The following RTTN variants were observed in gnomAD, a reference collection of about 807,000 sequenced individuals.
The protein encoded by RTTN is rotatin.
RTTN carries 182 observed loss-of-function variants against 269.2 expected under a neutral mutation model. The ratio of observed to expected loss-of-function variants is 0.68; its 90% CI spans 0.60 to 0.76. The LOEUF is 0.76. RTTN is among the 30% of genes least tolerant of loss of function. The pLI is 0.00. For missense variants in RTTN, 2,545 were observed against 2,608.6 expected (o/e 0.98, Z 0.53); for synonymous variants, 1,006 against 963.5 (o/e 1.04, Z -0.82).
At chr18:70,033,172 A>G (rs1004038276) in intron 40 of RTTN, among the ~76,000 whole-genome samples, 8 of 152,050 alleles carry the variant, frequency 5.3e-5, no homozygotes, top group Non-Finnish European at 1.2e-4. Context: ...TCCTGCTCCC[A>G]CCATGTGAGA....
At chr18:70,055,374 G>A (rs1009525521) in intron 37 of RTTN, among the ~76,000 whole-genome samples, 3 of 152,042 alleles carry the variant, frequency 2.0e-5, no homozygotes, top group African/African-American at 7.2e-5. Flanking sequence ...TTGTAAGAGT[G>A]TAATGAAGAG....
chr18:70,089,853 T>C (rs1055988541), intron 30 of RTTN, among the ~76,000 whole-genome samples: 1 of 152,138 alleles, frequency 6.6e-6, no homozygotes, highest in Admixed American at 6.6e-5. Flanking sequence ...TTCCTCCTGA[T>C]TGCTTATAGC....
intron 26 of RTTN, among the ~76,000 whole-genome samples, chr18:70,117,232 T>C (rs2059624559): frequency 6.6e-6 from 1 of 152,098 alleles, no homozygotes; most frequent in Non-Finnish European, 1.5e-5. Context: ...TCTTTTCATG[T>C]ATGTCCATAC....
intron 26 of RTTN, among the ~76,000 whole-genome samples, chr18:70,115,378 C>T (rs1157210015): frequency 1.3e-5 from 2 of 151,046 alleles, no homozygotes; most frequent in Non-Finnish European, 3.0e-5. Context: ...TTCCTCTTTT[C>T]CCAACTAAAA....
intron 35 of RTTN, among the ~76,000 whole-genome samples, chr18:70,060,281 C>T (rs2057942768): frequency 6.6e-6 from 1 of 151,820 alleles, no homozygotes; most frequent in Non-Finnish European, 1.5e-5. Flanking sequence ...CGGACATTGT[C>T]GTATGCAGAA....
intron 28 of RTTN, among the ~76,000 whole-genome samples, chr18:70,095,064 T>G (rs925407783): frequency 4.8e-4 from 5 of 10,416 alleles, no homozygotes; most frequent in African/African-American, 5.1e-4. Context: ...TAATGCCTTG[T>G]TTTTTTTTTT....
chr18:70,021,216 G>A (rs778630335), intron 44 of RTTN: 22 of 155,916 alleles, frequency 1.4e-4, no homozygotes, highest in Non-Finnish European at 1.6e-4. Flanking sequence ...CTGGGAAAGC[G>A]GACAAAACAA....
chr18:70,006,549 A>C, intron 46 of RTTN, 65 bp from the exon 47 acceptor site: 1 of 1,192,194 alleles, frequency 8.4e-7, no homozygotes, highest in Non-Finnish European at 1.2e-6. Context: ...CTTATCTTGG[A>C]CTAGTCAGAC....
At chr18:70,059,123 A>C (rs1337038265) in intron 36 of RTTN, among the ~76,000 whole-genome samples, 2 of 152,110 alleles carry the variant, frequency 1.3e-5, no homozygotes, top group African/African-American at 4.8e-5. Context: ...GTAATACTTA[A>C]GGGGGTATCC....
At chr18:70,014,468 A>G (rs944429966) in intron 46 of RTTN, among the ~76,000 whole-genome samples, 30 of 152,262 alleles carry the variant, frequency 2.0e-4, no homozygotes, top group African/African-American at 7.0e-4. Context: ...CTAACTTTGT[A>G]CTGGTTAATG....
intron 27 of RTTN, among the ~76,000 whole-genome samples, chr18:70,113,588 GTA>G (rs2059529825): frequency 1.3e-5 from 2 of 152,220 alleles, no homozygotes; most frequent in South Asian, 4.2e-4. Flanking sequence ...ACAAAAATCT[GTA>G]TATGAGTGTT....
chr18:70,046,293 T>C (rs981588315), intron 40 of RTTN, among the ~76,000 whole-genome samples: 15 of 152,140 alleles, frequency 9.9e-5, no homozygotes, highest in East Asian at 5.8e-4. Flanking sequence ...CCCACACCTA[T>C]TGCCATTTTG....
chr18:70,204,028 C>A (rs2062017281), intron 3 of RTTN, 58 bp downstream of exon 3: 66 of 1,293,894 alleles, frequency 5.1e-5, no homozygotes, highest in Non-Finnish European at 6.9e-5. Context: ...ATCTCCCTTT[C>A]CTTAAAATTT....
At chr18:70,017,079 C>A (rs1265630895) in intron 46 of RTTN, among the ~76,000 whole-genome samples, 1 of 152,018 alleles carries the variant, frequency 6.6e-6, no homozygotes, top group Non-Finnish European at 1.5e-5. Context: ...CTTGAAGATG[C>A]AGAAGAGGGG....
chr18:70,030,632 T>C (rs905045207), intron 41 of RTTN, among the ~76,000 whole-genome samples: 2 of 152,212 alleles, frequency 1.3e-5, no homozygotes, highest in Non-Finnish European at 1.5e-5. Context: ...TATTTACATA[T>C]AGGTTCTTTA....
At chr18:70,010,403 C>T (rs2056334826) in intron 46 of RTTN, among the ~76,000 whole-genome samples, 1 of 152,206 alleles carries the variant, frequency 6.6e-6, no homozygotes, top group South Asian at 2.1e-4. Context: ...CAGCACAATG[C>T]AATCAAATTA....
Position 70,145,833 on chromosome 18 carries a change from A to G in RTTN, c.2310-50T>C, listed in dbSNP as rs547848645. On this transcript the variant is annotated intron_variant, in intron 17 of 48. Coordinates refer to ENST00000640769, the MANE Select transcript of RTTN (RefSeq NM_173630.4). Reference sequence around the variant, plus strand: ...GAACTTTCGTGATATGCAAATGTCTATTTTAAAAGGGCTTGTAATTACAAG... The same window carrying G: ...GAACTTTCGTGATATGCAAATGTCTGTTTTAAAAGGGCTTGTAATTACAAG... 7.0e-6 allele frequency: 10 copies of G among 1,432,542 alleles called. No homozygotes were observed. In the South Asian group the frequency reaches 1.2e-4, roughly 17 times the overall value. 88.7% of individuals were successfully genotyped at this position (1,432,542 alleles called of 1,614,324 possible). A position where few individuals can be genotyped will look rare whatever the true frequency, so the allele number is the denominator to read the frequency against.
intron 30 of RTTN, among the ~76,000 whole-genome samples, chr18:70,090,042 C>T (rs1377862151): frequency 1.3e-5 from 2 of 152,108 alleles, no homozygotes; most frequent in African/African-American, 4.8e-5. Flanking sequence ...ATCACGGGTG[C>T]AATTCATGGA....
intron 11 of RTTN, among the ~76,000 whole-genome samples, chr18:70,172,270 T>C (rs970067563): frequency 2.6e-5 from 4 of 152,194 alleles, no homozygotes; most frequent in Non-Finnish European, 5.9e-5. Context: ...AGAGGACATT[T>C]TGTTAAACTT....
Sources: allele counts gnomAD v4.1 joint callset (sites outside exome capture counted in the v4.1 genomes callset), GRCh38; gene constraint gnomAD v4.1.1; transcripts MANE v1.5; gene names NCBI Gene and HGNC (gene_info 2026-07-23, HGNC 2026-07-21).